Variants in ST3GAL3 observed in about 807,000 individuals in gnomAD.
The protein encoded by ST3GAL3 is CMP-N-acetylneuraminate-beta-1,4-galactoside alpha-2,3-sialyltransferase.
In ST3GAL3, 21 loss-of-function variants were observed where a neutral mutation model predicts 50.1. The observed-to-expected ratio is 0.42, with a 90% CI of 0.30 to 0.60. The LOEUF is 0.60. Ranked by LOEUF, ST3GAL3 falls within the 20% of genes least tolerant of loss-of-function variation. The probability of loss-of-function intolerance (pLI) is 0.19; values close to 1 mark genes in which losing one functional copy is unlikely to be tolerated. For synonymous variants in ST3GAL3, 183 were observed against 190.0 expected, an observed-to-expected ratio of 0.96 and a Z score of 0.30; for missense variants, 353 against 489.4, an observed-to-expected ratio of 0.72 and a Z score of 2.63.
Position 43,727,230 on chromosome 1 carries a change from T to TA in ST3GAL3, c.-30-9002dup, listed in dbSNP as rs1673353941. The TA allele has an allele frequency of 2.0e-5, 3 of 152,258 alleles. No individual in the cohort carries two copies. The South Asian group carries it at 6.2e-4, about 32-fold the overall frequency. 9.4% of individuals were successfully genotyped at this position (152,258 alleles called of 1,614,324 possible). A position where few individuals can be genotyped will look rare whatever the true frequency, so the allele number is the denominator to read the frequency against. On this transcript the variant is annotated intron_variant, in intron 1 of 11. Transcript: ENST00000347631. Reference sequence around the variant, plus strand: ...CAGGCACAACAAGGTGGCCCAGACTTACCTTACGCCTTCTCTGCCCCAGCC... The same window carrying TA: ...CAGGCACAACAAGGTGGCCCAGACTTAACCTTACGCCTTCTCTGCCCCAGCC...
intron 5 of ST3GAL3, among the ~76,000 whole-genome samples, chr1:43,870,453 G>A (rs762915167): frequency 3.9e-5 from 6 of 152,208 alleles, no homozygotes; most frequent in African/African-American, 9.7e-5. Flanking sequence ...CTGGGACAGC[G>A]CAGAGCACAG....
chr1:43,709,417 C>G (rs1663417498), intron 1 of ST3GAL3: 1 of 151,818 alleles, frequency 6.6e-6, no homozygotes, highest in African/African-American at 2.4e-5. Context: ...GAGACAGGGT[C>G]TCCCTCTGTC....
At chr1:43,716,989 G>A (rs920380725) in intron 1 of ST3GAL3, among the ~76,000 whole-genome samples, 5 of 152,068 alleles carry the variant, frequency 3.3e-5, no homozygotes, top group African/African-American at 7.2e-5. Flanking sequence ...ATAGATTTAC[G>A]TCATTTGTTT....
Position 43,930,204 on chromosome 1 carries a change from C to A in ST3GAL3, c.1111C>A (p.Leu371Ile). Residue 371 changes from leucine (L) to isoleucine (I), a missense_variant, in exon 12 of 12, where the codon CTA (leucine) becomes ATA (isoleucine). By Grantham distance (5) the Leu-to-Ile change is conservative. Transcript: ENST00000347631. ...GGTGAAAGCTCGCGTCATCACTGAT[C>A]TAAGCAGTGGCATCTGAGTGGGCCC... ...KLVKARVITD[L>I]SSGI 6.2e-7 allele frequency: 1 copy of A among 1,613,752 alleles called. No individual in the cohort carries two copies. The highest frequency in any genetic ancestry group is 1.3e-5 in the African/African-American group (1 of 75,042).
intron 2 of ST3GAL3, among the ~76,000 whole-genome samples, chr1:43,776,041 T>G (rs1044461651): frequency 6.6e-6 from 1 of 152,198 alleles, no homozygotes; most frequent in Non-Finnish European, 1.5e-5. Flanking sequence ...TCTTGAAATA[T>G]AATTTACACA....
At chr1:43,753,218 G>A (rs1686837089) in intron 2 of ST3GAL3, among the ~76,000 whole-genome samples, 1 of 152,198 alleles carries the variant, frequency 6.6e-6, no homozygotes, top group South Asian at 2.1e-4. Context: ...ACACGCGTGG[G>A]CATGAGTTAG....
chr1:43,882,671 A>T (rs2075338280), intron 5 of ST3GAL3, among the ~76,000 whole-genome samples: 1 of 152,180 alleles, frequency 6.6e-6, no homozygotes, highest in Admixed American at 6.5e-5. Context: ...TGGGCCATAT[A>T]GTCTCTGTCA....
intron 11 of ST3GAL3, 59 bp downstream of exon 11, chr1:43,920,987 G>C (rs1045569224): frequency 1.3e-6 from 2 of 1,545,196 alleles, no homozygotes; most frequent in Non-Finnish European, 1.8e-6. Flanking sequence ...GTGCATAAAT[G>C]AGTAGTAAAG....
intron 2 of ST3GAL3, among the ~76,000 whole-genome samples, chr1:43,778,849 A>C (rs1451353197): frequency 2.0e-5 from 3 of 151,642 alleles, no homozygotes; most frequent in African/African-American, 7.3e-5. Context: ...GGGTTTCACC[A>C]TGTTAGCCAG....
At chr1:43,872,530 C>G (rs979071310) in intron 5 of ST3GAL3, among the ~76,000 whole-genome samples, 2 of 151,968 alleles carry the variant, frequency 1.3e-5, no homozygotes, top group Admixed American at 1.3e-4. Context: ...AGTCATTGAG[C>G]AACATGGTGT....
chr1:43,876,900 G>A (rs1440910895), intron 5 of ST3GAL3, among the ~76,000 whole-genome samples: 1 of 152,238 alleles, frequency 6.6e-6, no homozygotes, highest in Non-Finnish European at 1.5e-5. Flanking sequence ...GGCATGTGAT[G>A]TTAAAGACAA....
chr1:43,924,707 T>TG (rs2083608071), intron 11 of ST3GAL3, among the ~76,000 whole-genome samples: 1 of 152,316 alleles, frequency 6.6e-6, no homozygotes, highest in African/African-American at 2.4e-5. Context: ...AGAGAGGCGA[T>TG]GAGCCAGATC....
chr1:43,775,204 C>G (rs182639328), intron 2 of ST3GAL3, among the ~76,000 whole-genome samples: 2 of 151,886 alleles, frequency 1.3e-5, no homozygotes, highest in East Asian at 3.9e-4. Context: ...CAGAACCTCC[C>G]TATTTTTCAA....
At chr1:43,806,694 A>AT (rs1302259298) in intron 3 of ST3GAL3, among the ~76,000 whole-genome samples, 1 of 152,170 alleles carries the variant, frequency 6.6e-6, no homozygotes, top group Non-Finnish European at 1.5e-5. Context: ...ATTTAATTTA[A>AT]TTTTTTTATT....
At chr1:43,927,022 C>T (rs142794079) in intron 11 of ST3GAL3, among the ~76,000 whole-genome samples, 4 of 152,262 alleles carry the variant, frequency 2.6e-5, no homozygotes, top group Non-Finnish European at 1.5e-5. Context: ...TACCATATAT[C>T]CCTCCAACCA....
intron 2 of ST3GAL3, among the ~76,000 whole-genome samples, chr1:43,762,787 TA>T (rs1213985596): frequency 6.6e-6 from 1 of 152,010 alleles, no homozygotes; most frequent in African/African-American, 2.4e-5. Flanking sequence ...AGCTGGAAGA[TA>T]AGAGTGGGTG....
At chr1:43,918,763 T>C (rs879752881) in intron 9 of ST3GAL3, among the ~76,000 whole-genome samples, 3 of 152,118 alleles carry the variant, frequency 2.0e-5, no homozygotes, top group African/African-American at 4.8e-5. Flanking sequence ...CTTAGAATTA[T>C]GTTAAACCTG....
chr1:43,775,979 G>A (rs1697095583), intron 2 of ST3GAL3, among the ~76,000 whole-genome samples: 1 of 152,170 alleles, frequency 6.6e-6, no homozygotes, highest in African/African-American at 2.4e-5. Flanking sequence ...CCCTGGAGGT[G>A]AGGTGACCTG....
rs188775915 is a variant in ST3GAL3 at position 43,822,713 on chromosome 1, A to G, written c.209+7780A>G. ...GGTACTTTCTATGTTACCTGTTCCC[A>G]CAACATTTGCTTAGATAATCTAATC... On this transcript the variant is annotated intron_variant, in intron 4 of 11. Coordinates refer to ENST00000347631, the MANE Select transcript of ST3GAL3 (RefSeq NM_006279.5). 1.8e-3 allele frequency among the ~76,000 whole-genome samples: 271 copies of G among 152,294 alleles called. 2 individuals carry two copies. The highest frequency in any genetic ancestry group is 6.3e-3 in the African/African-American group (261 of 41,558).
Sources: allele counts gnomAD v4.1 joint callset (sites outside exome capture counted in the v4.1 genomes callset), GRCh38; gene constraint gnomAD v4.1.1; transcripts MANE v1.5; gene names NCBI Gene and HGNC (gene_info 2026-07-23, HGNC 2026-07-21).